The following APH1B variants were observed in gnomAD, a reference collection of about 807,000 sequenced individuals.
The protein encoded by APH1B is aph-1B gamma-secretase subunit.
Under a neutral mutation model 28.2 loss-of-function variants are expected in APH1B, and 27 were observed. The ratio of observed to expected loss-of-function variants is 0.96; its 90% CI spans 0.70 to 1.32. The LOEUF (loss-of-function observed/expected upper bound fraction) is 1.32, where lower values mean the gene tolerates loss of function less well. APH1B is among the 40% of genes most tolerant of loss of function. The probability of loss-of-function intolerance (pLI) is 0.00; values close to 1 mark genes in which losing one functional copy is unlikely to be tolerated. For missense variants in APH1B, 305 were observed against 313.6 expected (o/e 0.97, Z 0.21); for synonymous variants, 141 against 124.6 (o/e 1.13, Z -0.88).
intron 1 of APH1B, 167 bp downstream of exon 1, chr15:63,277,903 C>T: frequency 1.5e-6 from 1 of 677,360 alleles, no homozygotes; most frequent in Non-Finnish European, 2.4e-6. Context: ...GGCGCCTCGC[C>T]CTCTTAGGAA....
At position 63,307,575 on chromosome 15, in the gene APH1B, T is replaced by A. The variant is rs1056099096; in HGVS notation, c.*1794T>A. 6.6e-6 allele frequency: 1 copy of A among 152,220 alleles called. No homozygotes were observed. Among genetic ancestry groups the A allele is most frequent in the Non-Finnish European group, 1.5e-5 (1 of 68,042 alleles). The allele number at this position is 152,220 out of a possible 1,614,324, so 9.4% of individuals were successfully genotyped here. Reference sequence around the variant, plus strand: ...ATAGAGACTCAACAGTGACATTTATTGTACAACATCAAGGGGAATAGGATA... The same window carrying A: ...ATAGAGACTCAACAGTGACATTTATAGTACAACATCAAGGGGAATAGGATA... On this transcript the variant is annotated 3_prime_UTR_variant, in exon 6 of 6. Coordinates refer to ENST00000261879, the MANE Select transcript of APH1B (RefSeq NM_031301.4).
chr15:63,281,228 A>C (rs1170008581), intron 2 of APH1B, among the ~76,000 whole-genome samples: 2 of 152,128 alleles, frequency 1.3e-5, no homozygotes, highest in African/African-American at 2.4e-5. Flanking sequence ...CATGGTTATA[A>C]TTATCTCCCT....
In APH1B at chr15:63,305,698, G is replaced by A. The variant is rs1377367401; in HGVS notation, c.691G>A (p.Ala231Thr). The A allele has an allele frequency of 4.3e-6, 7 of 1,614,196 alleles. No homozygotes were observed. The highest frequency in any genetic ancestry group is 5.9e-6 in the Non-Finnish European group (7 of 1,180,038). ...CATGGGCACCTGGGCATTCTTAGCTGCGGGAGGCAGCTGCCGAAGCCTGAA... is the reference window on the plus strand; with the variant it reads ...CATGGGCACCTGGGCATTCTTAGCTACGGGAGGCAGCTGCCGAAGCCTGAA... ...VLMGTWAFLAAGGSCRSLKLC... is the reference protein window; with the variant it reads ...VLMGTWAFLATGGSCRSLKLC... The change falls in exon 6 of 6, where the codon GCG (alanine) becomes ACG (threonine). Residue 231 changes from alanine (A) to threonine (T), a missense_variant. By Grantham distance (58) the Ala-to-Thr change is moderately conservative. Transcript: ENST00000261879.
At chr15:63,293,794 T>A (rs1033444724) in intron 4 of APH1B, among the ~76,000 whole-genome samples, 2 of 152,202 alleles carry the variant, frequency 1.3e-5, no homozygotes, top group African/African-American at 4.8e-5. Flanking sequence ...AGACAGGGTC[T>A]TGCTCTGTCA....
rs58443097 is a variant in APH1B, at chr15:63,293,064, A to G, written c.478+5518A>G. 1.7e-3 allele frequency among the ~76,000 whole-genome samples: 266 copies of G among 152,234 alleles called. 3 individuals carry two copies. The East Asian group carries it at 0.029, about 17-fold the overall frequency. ...GCAGTTGAATGACTTGCACTTCTCC[A>G]TTCTCTATAGACCTTGTTTCTTCTC... On this transcript the variant is annotated intron_variant, in intron 4 of 5. Transcript: ENST00000261879.
At chr15:63,305,031 T>A (rs2038672135) in intron 5 of APH1B, among the ~76,000 whole-genome samples, 1 of 152,244 alleles carries the variant, frequency 6.6e-6, no homozygotes, top group Non-Finnish European at 1.5e-5. Context: ...TATGCTGTCC[T>A]AGCATTCATC....
chr15:63,301,031 A>C (rs1323967150), intron 4 of APH1B, among the ~76,000 whole-genome samples: 1 of 152,214 alleles, frequency 6.6e-6, no homozygotes, highest in African/African-American at 2.4e-5. Flanking sequence ...ATGGCTCTGA[A>C]ACTTGACCGT....
Position 63,305,627 on chromosome 15 carries a change from C to A in APH1B, c.620C>A (p.Ser207Tyr). The A allele has an allele frequency of 1.2e-6, 2 of 1,614,080 alleles. No individual in the cohort carries two copies. Among genetic ancestry groups the A allele is most frequent in the South Asian group, 1.1e-5 (1 of 91,020 alleles). ...TTTCTTTTGCAGACCTTCATAAGTTCTTATTATGGAATAAACCTGGCGTCA... is the reference window on the plus strand; with the variant it reads ...TTTCTTTTGCAGACCTTCATAAGTTATTATTATGGAATAAACCTGGCGTCA... Reference protein sequence around the residue: ...LLVSAQTFISSYYGINLASAF... With the variant: ...LLVSAQTFISYYYGINLASAF... Residue 207 changes from serine (S) to tyrosine (Y), a missense_variant, in exon 6 of 6, where the codon TCT becomes TAT. Physicochemically the swap from Ser to Tyr is moderately radical, Grantham distance 144. Transcript: ENST00000261879.
chr15:63,297,241 C>G (rs1193273043), intron 4 of APH1B, among the ~76,000 whole-genome samples: 1 of 152,154 alleles, frequency 6.6e-6, no homozygotes, highest in South Asian at 2.1e-4. Flanking sequence ...AATATTAGAA[C>G]AGGCTGGGCA....
chr15:63,279,245 A>G lies in APH1B; in HGVS notation c.198A>G (p.Pro66=). 6.2e-6 allele frequency: 10 copies of G among 1,613,538 alleles called. No homozygotes were observed. Among genetic ancestry groups the G allele is most frequent in the Non-Finnish European group, 8.5e-6 (10 of 1,179,550 alleles). Residue 66 remains proline, a synonymous_variant, in exon 2 of 6, where the codon CCA becomes CCG. Coordinates refer to ENST00000261879, the MANE Select transcript of APH1B (RefSeq NM_031301.4). ...ARVIIDNKDG[P]TQKYLLIFGA... Reference sequence around the variant, plus strand: ...TCATTATTGACAACAAAGATGGACCAACACAGAAATATCTGCTGATCTTTG... The same window carrying G: ...TCATTATTGACAACAAAGATGGACCGACACAGAAATATCTGCTGATCTTTG...
At chr15:63,290,256 A>G (rs113765665) in intron 4 of APH1B, among the ~76,000 whole-genome samples, 86 of 152,284 alleles carry the variant, frequency 5.6e-4, no homozygotes, top group African/African-American at 1.9e-3. Context: ...AATAATGTTT[A>G]TGTATAGGTT....
intron 4 of APH1B, among the ~76,000 whole-genome samples, chr15:63,291,008 G>A (rs74868417): frequency 0.013 from 2,024 of 151,102 alleles, 24 homozygotes; most frequent in Non-Finnish European, 0.022. Context: ...GGTAAGAGCA[G>A]TATTGTTCAC....
chr15:63,279,195 T>A lies in APH1B; in HGVS notation c.148T>A (p.Ser50Thr). Residue 50 changes from serine (S) to threonine (T), a missense_variant, in exon 2 of 6, where the codon TCC (serine) becomes ACC (threonine). By Grantham distance (58) the Ser-to-Thr change is moderately conservative. Transcript: ENST00000261879. The stretch of plus-strand genomic sequence containing the variant: ...CTGGTTGGTGTCTCTACTGATTTCG[T>A]CCCTTGTTTGGTTCATGGCAAGAGT... Reference protein sequence around the residue: ...FFWLVSLLISSLVWFMARVII... With the variant: ...FFWLVSLLISTLVWFMARVII... 6.2e-7 allele frequency: 1 copy of A among 1,610,806 alleles called. No homozygotes were observed. The highest frequency in any genetic ancestry group is 8.5e-7 in the Non-Finnish European group (1 of 1,177,672).
In APH1B at chr15:63,308,041, A is replaced by G. The variant is rs1327549099; in HGVS notation, c.*2260A>G. 1 of 152,134 alleles carries G rather than the reference A, an allele frequency of 6.6e-6. No individual in the cohort carries two copies. The highest frequency in any genetic ancestry group is 1.5e-5 in the Non-Finnish European group (1 of 68,020). 9.4% of individuals were successfully genotyped at this position (152,134 alleles called of 1,614,324 possible). A position where few individuals can be genotyped will look rare whatever the true frequency, so the allele number is the denominator to read the frequency against. ...GCTTTGCCTTATGCCAAGGAGGCCC[A>G]GAGGGAGGGCCTAGTCTTCCTCTGT... On this transcript the variant is annotated 3_prime_UTR_variant, in exon 6 of 6. Transcript: ENST00000261879.
chr15:63,304,004 A>G lies in APH1B; in HGVS notation c.606+1532A>G, dbSNP rs2038662105. On this transcript the variant is annotated intron_variant, in intron 5 of 5. Transcript: ENST00000261879. The surrounding 1 kb of genome is among the most constrained non-coding windows in gnomAD (Gnocchi z 5.1). ...ACTCAATTTTCAGAGTGATGGTATC[A>G]CCTTACACTCTGCCATCAGTTTACA... 6.6e-6 allele frequency among the ~76,000 whole-genome samples: 1 copy of G among 151,846 alleles called. No homozygotes were observed. Among genetic ancestry groups the G allele is most frequent in the Admixed American group, 6.6e-5 (1 of 15,246 alleles).
intron 4 of APH1B, among the ~76,000 whole-genome samples, chr15:63,300,075 A>G (rs936323407): frequency 6.6e-6 from 1 of 152,096 alleles, no homozygotes; most frequent in Non-Finnish European, 1.5e-5. Context: ...CATTGTAAAG[A>G]TATGCTGATG....
rs952898300 is a variant in APH1B at position 63,305,630 on chromosome 15, A to T, written c.623A>T (p.Tyr208Phe). 4 of 1,614,056 alleles carry T rather than the reference A, an allele frequency of 2.5e-6. No individual in the cohort carries two copies. Among genetic ancestry groups the T allele is most frequent in the Admixed American group, 1.7e-5 (1 of 60,004 alleles). Residue 208 changes from tyrosine to phenylalanine, a missense_variant, in exon 6 of 6, where the codon TAT (tyrosine) becomes TTT (phenylalanine). Tyr to Phe is a conservative substitution (Grantham distance 22). Coordinates refer to ENST00000261879, the MANE Select transcript of APH1B (RefSeq NM_031301.4). Reference sequence around the variant, plus strand: ...CTTTTGCAGACCTTCATAAGTTCTTATTATGGAATAAACCTGGCGTCAGCA... The same window carrying T: ...CTTTTGCAGACCTTCATAAGTTCTTTTTATGGAATAAACCTGGCGTCAGCA... The part of the protein sequence containing the change: ...LVSAQTFISS[Y>F]YGINLASAFI...
At chr15:63,293,853 C>T (rs1484832944) in intron 4 of APH1B, among the ~76,000 whole-genome samples, 1 of 152,098 alleles carries the variant, frequency 6.6e-6, no homozygotes, top group Non-Finnish European at 1.5e-5. Context: ...CATCCTTGAC[C>T]TCTGAGACTC....
intron 4 of APH1B, among the ~76,000 whole-genome samples, chr15:63,295,422 G>A (rs1384136496): frequency 6.6e-6 from 1 of 152,186 alleles, no homozygotes. Flanking sequence ...TTGTTTTGCA[G>A]CATTTTTGTG....
Sources: gnomAD v4.1 joint callset for allele counts (sites outside exome capture counted in the v4.1 genomes callset) on GRCh38, gnomAD v4.1.1 for gene constraint, Gnocchi (gnomAD v3.1) non-coding constraint, MANE v1.5 for transcripts, NCBI Gene and HGNC (gene_info 2026-07-23, HGNC 2026-07-21) for gene names.